Variants in KDM1B observed in about 807,000 individuals in gnomAD.
KDM1B encodes lysine-specific histone demethylase 2.
A neutral mutation model predicts 107.4 loss-of-function variants in KDM1B; 63 were observed. The ratio of observed to expected loss-of-function variants is 0.59; its 90% CI spans 0.48 to 0.72. The LOEUF (loss-of-function observed/expected upper bound fraction) is 0.72, where lower values mean the gene tolerates loss of function less well. Ranked by LOEUF, KDM1B falls within the 30% of genes least tolerant of loss-of-function variation. The pLI, the probability that KDM1B is intolerant of heterozygous loss-of-function variation, is 0.00. For synonymous variants in KDM1B, 363 were observed against 363.9 expected (o/e 1.00, Z 0.03); for missense variants, 749 against 1,020.8 (o/e 0.73, Z 3.63).
In KDM1B at chr6:18,211,495, G is replaced by A. The variant is rs547749434; in HGVS notation, c.1867-993G>A. 6.6e-6 allele frequency: 1 copy of A among 152,390 alleles called. No individual in the cohort carries two copies. Among genetic ancestry groups the A allele is most frequent in the South Asian group, 2.1e-4 (1 of 4,834 alleles). 9.4% of individuals were successfully genotyped at this position (152,390 alleles called of 1,614,324 possible). ...GCTGCCTCTGTTGAGAGCACACAAT[G>A]CTGGAGGTGTTTGGTTCTTCTGCAG... On this transcript the variant is annotated intron_variant, in intron 17 of 21. Coordinates refer to ENST00000650836, the MANE Select transcript of KDM1B (RefSeq NM_001364614.2). The surrounding 1 kb of genome is among the most constrained non-coding windows in gnomAD (Gnocchi z 5.2).
intron 3 of KDM1B, among the ~76,000 whole-genome samples, 166 bp from the exon 4 acceptor site, chr6:18,161,161 C>T (rs950713893): frequency 3.9e-5 from 6 of 152,154 alleles, no homozygotes; most frequent in African/African-American, 1.4e-4. Context: ...AAATTACTTG[C>T]ACAATGCAGT....
chr6:18,195,733 CAAA>C (rs774459443), intron 10 of KDM1B, among the ~76,000 whole-genome samples: 2 of 107,848 alleles, frequency 1.9e-5, no homozygotes, highest in African/African-American at 3.6e-5. Context: ...AACTCCATAT[CAAA>C]AAAAAAAAAA....
Position 18,212,080 on chromosome 6 carries a change from G to T in KDM1B, c.1867-408G>T. The T allele has an allele frequency of 5.7e-6, 1 of 176,432 alleles. No homozygotes were observed. The highest frequency in any genetic ancestry group is 1.3e-4 in the South Asian group (1 of 7,776). 10.9% of individuals were successfully genotyped at this position (176,432 alleles called of 1,614,324 possible). ...CCTGCCTCAGCTTCCCAAGTATCTG[G>T]CACTACAGGCACCTGCCACCACACC... On this transcript the variant is annotated intron_variant, in intron 17 of 21. Transcript: ENST00000650836. The surrounding 1 kb of genome is among the most constrained non-coding windows in gnomAD (Gnocchi z 5.2).
intron 9 of KDM1B, among the ~76,000 whole-genome samples, chr6:18,189,588 C>CTATTGAAT (rs1787138176): frequency 6.6e-6 from 1 of 152,114 alleles, no homozygotes; most frequent in Non-Finnish European, 1.5e-5. Context: ...AAATATACAG[C>CTATTGAAT]CATTGAATGC....
In KDM1B at chr6:18,187,775, T is replaced by C. The variant is rs1020297147; in HGVS notation, c.574-17T>C. ...TGTCTGTCCTTGTCTCTCTTCTTCC[T>C]GTCTGGCCCATTGCAGAGAGTATTG... is the stretch of plus-strand genomic sequence containing the variant. On this transcript the variant is annotated splice_polypyrimidine_tract_variant and intron_variant, in intron 8 of 21. Transcript: ENST00000650836. 6 of 1,494,466 alleles carry C rather than the reference T, an allele frequency of 4.0e-6. No homozygotes were observed. The Admixed American group carries it at 9.8e-5, about 24-fold the overall frequency. The allele number at this position is 1,494,466 out of a possible 1,614,324, so 92.6% of individuals were successfully genotyped here.
intron 7 of KDM1B, among the ~76,000 whole-genome samples, chr6:18,183,271 T>TTTG (rs1231922434): frequency 1.4e-5 from 2 of 141,778 alleles, no homozygotes; most frequent in Non-Finnish European, 3.0e-5. Context: ...TTTTTTTTTT[T>TTTG]TTTTTTTTTT....
intron 10 of KDM1B, among the ~76,000 whole-genome samples, chr6:18,193,565 G>A (rs896538145): frequency 4.6e-5 from 7 of 151,944 alleles, no homozygotes; most frequent in Non-Finnish European, 7.4e-5. Flanking sequence ...GCCTCCCAAA[G>A]TGCTGGAATT....
At chr6:18,169,662 GT>G (rs1211812708) in intron 6 of KDM1B, among the ~76,000 whole-genome samples, 2 of 151,994 alleles carry the variant, frequency 1.3e-5, no homozygotes, top group Non-Finnish European at 2.9e-5. Context: ...CAATTTATCT[GT>G]TTTTTTCTTT....
intron 9 of KDM1B, among the ~76,000 whole-genome samples, chr6:18,190,318 C>T (rs937575547): frequency 4.0e-5 from 6 of 151,826 alleles, no homozygotes; most frequent in Non-Finnish European, 7.4e-5. Flanking sequence ...GAAGGCCGGG[C>T]GCAGTGGCTC....
In KDM1B at chr6:18,162,927, A is replaced by G; in HGVS notation, c.305+3A>G. On this transcript the variant is annotated splice_donor_region_variant and intron_variant, in intron 5 of 21. Transcript: ENST00000650836. This position sits in a 1 kb window ranked among gnomAD's most constrained non-coding sequence, Gnocchi z 4.1. The stretch of plus-strand genomic sequence containing the variant: ...TGCTTTGACCATTACTACAGAAGGT[A>G]TGTTCACTAATTGTGTGAGGTTTCC... 1 of 1,569,556 alleles carries G rather than the reference A, an allele frequency of 6.4e-7. No homozygotes were observed. The highest frequency in any genetic ancestry group is 8.8e-7 in the Non-Finnish European group (1 of 1,139,352).
chr6:18,206,406 A>G (rs1218823795), intron 15 of KDM1B, among the ~76,000 whole-genome samples: 1 of 152,128 alleles, frequency 6.6e-6, no homozygotes, highest in East Asian at 1.9e-4. Flanking sequence ...AGTCCCAGCT[A>G]AGTGGGAGGC....
Position 18,201,635 on chromosome 6 carries a change from G to C in KDM1B, c.1509G>C (p.Gln503His). 6.5e-7 allele frequency: 1 copy of C among 1,550,312 alleles called. No homozygotes were observed. The highest frequency in any genetic ancestry group is 8.7e-7 in the Non-Finnish European group (1 of 1,146,860). Residue 503 changes from glutamine to histidine, a missense_variant, in exon 14 of 22, where the codon CAG becomes CAC. By Grantham distance (24) the Gln-to-His change is conservative. Coordinates refer to ENST00000650836, the MANE Select transcript of KDM1B (RefSeq NM_001364614.2). The surrounding 1 kb of genome is among the most constrained non-coding windows in gnomAD (Gnocchi z 4.3). Reference sequence around the variant, plus strand: ...CTGAGTGGAGAAAGGATAAGACTCAGCTCCAAGATGTCCCTTTAGGAGGTA... The same window carrying C: ...CTGAGTGGAGAAAGGATAAGACTCACCTCCAAGATGTCCCTTTAGGAGGTA... ...VVSEWRKDKT[Q>H]LQDVPLGEKI...
intron 21 of KDM1B, 40 bp from the exon 22 acceptor site, chr6:18,221,869 C>T (rs3734242): frequency 0.2 from 296,597 of 1,473,334 alleles, 30,738 homozygotes; most frequent in South Asian, 0.24. Context: ...ATCAACTCAA[C>T]TCTATGCATG....
intron 6 of KDM1B, among the ~76,000 whole-genome samples, chr6:18,167,874 C>CA (rs1352737367): frequency 6.6e-6 from 1 of 152,030 alleles, no homozygotes; most frequent in Non-Finnish European, 1.5e-5. Flanking sequence ...GTGATCCTCC[C>CA]ACCTCAGCCG....
intron 5 of KDM1B, among the ~76,000 whole-genome samples, chr6:18,163,803 G>A (rs781025962): frequency 7.9e-5 from 12 of 152,076 alleles, no homozygotes; most frequent in Non-Finnish European, 1.3e-4. Flanking sequence ...TGATTTCTAC[G>A]TTTTAAATTT....
At chr6:18,198,841 T>G (rs915457869) in intron 12 of KDM1B, among the ~76,000 whole-genome samples, 2 of 150,302 alleles carry the variant, frequency 1.3e-5, no homozygotes, top group Non-Finnish European at 3.0e-5. Flanking sequence ...AGGCTAGTCT[T>G]TAATGTTCAG....
intron 6 of KDM1B, among the ~76,000 whole-genome samples, chr6:18,168,694 C>G (rs371796125): frequency 6.6e-6 from 1 of 152,100 alleles, no homozygotes; most frequent in African/African-American, 2.4e-5. Flanking sequence ...AGTTCCTGTA[C>G]CATTTTTCAT....
Position 18,207,400 on chromosome 6 carries a change from A to G in KDM1B, c.1662A>G (p.Val554=), listed in dbSNP as rs1291228056. 5.0e-6 allele frequency: 8 copies of G among 1,614,012 alleles called. No homozygotes were observed. The highest frequency in any genetic ancestry group is 6.8e-6 in the Non-Finnish European group (8 of 1,179,916). Residue 554 remains valine (V), a splice_region_variant and synonymous_variant, in exon 16 of 22, where the codon GTA becomes GTG. Transcript: ENST00000650836. Reference sequence around the variant, plus strand: ...CCCCAACCTCTCTTGTTTCCCAGGTATCTGCTCGCTCGTGGGACCACAATG... The same window carrying G: ...CCCCAACCTCTCTTGTTTCCCAGGTGTCTGCTCGCTCGTGGGACCACAATG... ...EYACGSNLHQ[V]SARSWDHNEF...
rs898275592 is a variant in KDM1B at position 18,155,623 on chromosome 6, G to A, written c.-58+52G>A. On this transcript the variant is annotated intron_variant, in intron 1 of 21. Transcript: ENST00000650836. The surrounding 1 kb of genome is among the most constrained non-coding windows in gnomAD (Gnocchi z 6.2). Reference sequence around the variant, plus strand: ...TGCGTGGGGGCCGTGGCGGATTTCGGGTGACAGCGTTGCACAAAGCAGCTT... The same window carrying A: ...TGCGTGGGGGCCGTGGCGGATTTCGAGTGACAGCGTTGCACAAAGCAGCTT... 6.6e-6 allele frequency: 1 copy of A among 152,544 alleles called. No homozygotes were observed. Among genetic ancestry groups the A allele is most frequent in the South Asian group, 2.0e-4 (1 of 4,926 alleles). The allele number at this position is 152,544 out of a possible 1,614,324, so 9.4% of individuals were successfully genotyped here.
Sources: gnomAD v4.1 joint callset for allele counts (sites outside exome capture counted in the v4.1 genomes callset) on GRCh38, gnomAD v4.1.1 for gene constraint, Gnocchi (gnomAD v3.1) non-coding constraint, MANE v1.5 for transcripts, NCBI Gene and HGNC (gene_info 2026-07-23, HGNC 2026-07-21) for gene names.